Variants in ATRNL1 observed in about 807,000 individuals in gnomAD.
The protein encoded by ATRNL1 is attractin like 1, also known as attractin-like protein 1.
A neutral mutation model predicts 182.7 loss-of-function variants in ATRNL1; 95 were observed. That is an observed-to-expected ratio of 0.52 (90% CI 0.44 to 0.62). The LOEUF (loss-of-function observed/expected upper bound fraction) is 0.62, where lower values mean the gene tolerates loss of function less well. ATRNL1 is among the 20% of genes least tolerant of loss of function. The pLI is 0.00. For synonymous variants in ATRNL1, 576 were observed against 568.3 expected (o/e 1.01, Z -0.19); for missense variants, 1,471 against 1,679.5 (o/e 0.88, Z 2.17).
At chr10:115,158,865 T>C (rs1409035855) in intron 5 of ATRNL1, among the ~76,000 whole-genome samples, 1 of 151,942 alleles carries the variant, frequency 6.6e-6, no homozygotes, top group Admixed American at 6.6e-5. Flanking sequence ...TGGGATTAAG[T>C]AGTATCCCTT....
chr10:115,835,202 T>C (rs933742467), intron 27 of ATRNL1, among the ~76,000 whole-genome samples: 17 of 152,242 alleles, frequency 1.1e-4, no homozygotes, highest in South Asian at 4.1e-4. Flanking sequence ...TGAGATTAAT[T>C]AATTACTCAT....
At chr10:115,426,340 G>T (rs782298331) in intron 21 of ATRNL1, 38 bp downstream of exon 21, 20 of 1,438,314 alleles carry the variant, frequency 1.4e-5, no homozygotes, top group Admixed American at 7.0e-5. Flanking sequence ...AATAATTGGT[G>T]CATACTATTA....
intron 8 of ATRNL1, among the ~76,000 whole-genome samples, chr10:115,195,231 G>T (rs1247666283): frequency 6.6e-6 from 1 of 151,924 alleles, no homozygotes; most frequent in East Asian, 1.9e-4. Flanking sequence ...CCTGTTGTTT[G>T]TTAATATCCT....
intron 24 of ATRNL1, among the ~76,000 whole-genome samples, chr10:115,471,667 C>A (rs1307582647): frequency 6.6e-6 from 1 of 150,914 alleles, no homozygotes; most frequent in Non-Finnish European, 1.5e-5. Flanking sequence ...ATAATCAGGT[C>A]CTTTGCCCAT....
chr10:115,105,832 C>G (rs1592105155), intron 1 of ATRNL1, among the ~76,000 whole-genome samples: 1 of 152,192 alleles, frequency 6.6e-6, no homozygotes, highest in Non-Finnish European at 1.5e-5. Flanking sequence ...ATGGAAACGC[C>G]TGGATGTCCA....
intron 18 of ATRNL1, among the ~76,000 whole-genome samples, chr10:115,319,068 T>C (rs1160648378): frequency 6.6e-6 from 1 of 152,180 alleles, no homozygotes; most frequent in Non-Finnish European, 1.5e-5. Flanking sequence ...TTTAGCTGTG[T>C]CCCAGAGATT....
At chr10:115,536,036 G>A (rs1170982998) in intron 25 of ATRNL1, among the ~76,000 whole-genome samples, 2 of 152,052 alleles carry the variant, frequency 1.3e-5, no homozygotes, top group Non-Finnish European at 2.9e-5. Flanking sequence ...GAGCCTCCCA[G>A]TTAGGCTTCT....
intron 27 of ATRNL1, among the ~76,000 whole-genome samples, chr10:115,823,515 A>G (rs896975650): frequency 6.6e-6 from 1 of 152,244 alleles, no homozygotes; most frequent in African/African-American, 2.4e-5. Context: ...ACATGATTGT[A>G]TATTTAGAAA....
chr10:115,504,046 T>C (rs1400797369), intron 24 of ATRNL1, among the ~76,000 whole-genome samples: 1 of 152,000 alleles, frequency 6.6e-6, no homozygotes, highest in Admixed American at 6.6e-5. Context: ...TACAAATATA[T>C]TATTATTGGA....
At chr10:115,711,172 C>A (rs2804156) in intron 26 of ATRNL1, among the ~76,000 whole-genome samples, 142,866 of 152,152 alleles carry the variant, frequency 0.94, 67,779 homozygotes, top group East Asian at 1. Context: ...AGTCATGCTG[C>A]AGGACATAAC....
intron 8 of ATRNL1, among the ~76,000 whole-genome samples, chr10:115,195,034 A>G (rs1044439259): frequency 6.6e-6 from 1 of 151,990 alleles, no homozygotes; most frequent in South Asian, 2.1e-4. Context: ...TTTATTGTCT[A>G]TATTTATATC....
At chr10:115,423,622 A>AT (rs1845746516) in intron 20 of ATRNL1, among the ~76,000 whole-genome samples, 2 of 152,300 alleles carry the variant, frequency 1.3e-5, no homozygotes, top group Non-Finnish European at 2.9e-5. Flanking sequence ...CCAGAAATAA[A>AT]TACACGCATG....
intron 24 of ATRNL1, among the ~76,000 whole-genome samples, chr10:115,513,290 C>T (rs1850482275): frequency 6.6e-6 from 1 of 151,934 alleles, no homozygotes; most frequent in Non-Finnish European, 1.5e-5. Context: ...TCAAATTTTC[C>T]TGTTTGATCT....
chr10:115,410,829 G>A (rs1447927283), intron 20 of ATRNL1, among the ~76,000 whole-genome samples: 9 of 151,944 alleles, frequency 5.9e-5, no homozygotes, highest in Non-Finnish European at 1.2e-4. Flanking sequence ...CCTCTGCCTC[G>A]TGGGTTCAAG....
intron 25 of ATRNL1, among the ~76,000 whole-genome samples, chr10:115,534,097 A>G (rs1462386049): frequency 9.1e-3 from 1,053 of 115,890 alleles, no homozygotes; most frequent in Middle Eastern, 0.026. Flanking sequence ...TGGGATGGAG[A>G]GTTCTGTAGA....
At chr10:115,439,595 T>C (rs1394073967) in intron 21 of ATRNL1, among the ~76,000 whole-genome samples, 3 of 151,986 alleles carry the variant, frequency 2.0e-5, no homozygotes, top group African/African-American at 7.2e-5. Flanking sequence ...CCGAAAGATG[T>C]CTACATCCTC....
intron 24 of ATRNL1, among the ~76,000 whole-genome samples, chr10:115,514,673 A>G (rs1850552375): frequency 1.3e-5 from 2 of 151,948 alleles, no homozygotes; most frequent in Non-Finnish European, 2.9e-5. Flanking sequence ...TACTCCCACT[A>G]CTTATACACC....
At chr10:115,152,583 G>A (rs1554880931) in intron 5 of ATRNL1, among the ~76,000 whole-genome samples, 1 of 152,166 alleles carries the variant, frequency 6.6e-6, no homozygotes, top group African/African-American at 2.4e-5. Context: ...AGACTTTGCT[G>A]AAGTTGCTTA....
At chr10:115,740,924 G>A (rs1555067488) in intron 27 of ATRNL1, among the ~76,000 whole-genome samples, 1 of 151,864 alleles carries the variant, frequency 6.6e-6, no homozygotes, top group East Asian at 1.9e-4. Flanking sequence ...TTATGAAGGA[G>A]TTTTTATTTC....
Sources: allele counts gnomAD v4.1 joint callset (sites outside exome capture counted in the v4.1 genomes callset), GRCh38; gene constraint gnomAD v4.1.1; transcripts MANE v1.5; gene names NCBI Gene and HGNC (gene_info 2026-07-23, HGNC 2026-07-21).